ATXN7L1: variants seen among roughly 807,000 people sequenced by gnomAD.
The protein encoded by ATXN7L1 is ataxin-7-like protein 1.
Under a neutral mutation model 70.8 loss-of-function variants are expected in ATXN7L1, and 15 were observed. The observed-to-expected ratio is 0.21, with a 90% CI of 0.14 to 0.33. ATXN7L1 has a LOEUF of 0.33. Ranked by LOEUF, ATXN7L1 falls within the 10% of genes least tolerant of loss-of-function variation. The pLI is 1.00. For synonymous variants in ATXN7L1, 440 were observed against 445.1 expected (o/e 0.99, Z 0.14); for missense variants, 975 against 1,097.1 (o/e 0.89, Z 1.57).
At chr7:105,787,612 T>C (rs1318444443) in intron 3 of ATXN7L1, among the ~76,000 whole-genome samples, 1 of 152,230 alleles carries the variant, frequency 6.6e-6, no homozygotes, top group Non-Finnish European at 1.5e-5. Flanking sequence ...TCCCTTTATT[T>C]TATTATAGAA....
At chr7:105,797,409 C>A (rs1349282733) in intron 2 of ATXN7L1, among the ~76,000 whole-genome samples, 2 of 152,192 alleles carry the variant, frequency 1.3e-5, no homozygotes, top group East Asian at 1.9e-4. Context: ...GGAGAAGGAC[C>A]TTTAAAGACC....
chr7:105,772,866 C>A (rs1584968162), intron 3 of ATXN7L1, among the ~76,000 whole-genome samples: 1 of 152,214 alleles, frequency 6.6e-6, no homozygotes, highest in South Asian at 2.1e-4. Context: ...ATATATGGAA[C>A]TCTGCCCACA....
chr7:105,872,116 C>G (rs1818359682), intron 2 of ATXN7L1, among the ~76,000 whole-genome samples: 1 of 152,096 alleles, frequency 6.6e-6, no homozygotes, highest in African/African-American at 2.4e-5. Context: ...CCTCAGCCTC[C>G]CAAGTAGCTG....
chr7:105,823,495 C>A (rs1238483025), intron 2 of ATXN7L1, among the ~76,000 whole-genome samples: 3 of 152,110 alleles, frequency 2.0e-5, no homozygotes, highest in Non-Finnish European at 4.4e-5. Context: ...CATGGTACTT[C>A]CAATAAACAC....
At chr7:105,627,587 A>C (rs1437396787) in intron 7 of ATXN7L1, among the ~76,000 whole-genome samples, 2 of 148,698 alleles carry the variant, frequency 1.3e-5, no homozygotes, top group Non-Finnish European at 3.0e-5. Flanking sequence ...GCTGGAGTGC[A>C]GTGGTGCGAC....
At chr7:105,677,437 C>T (rs1005235832) in intron 3 of ATXN7L1, among the ~76,000 whole-genome samples, 29 of 152,198 alleles carry the variant, frequency 1.9e-4, no homozygotes, top group African/African-American at 6.5e-4. Context: ...GCACATCACA[C>T]GCTGTAATTA....
intron 2 of ATXN7L1, among the ~76,000 whole-genome samples, chr7:105,793,065 T>A (rs1805480582): frequency 6.6e-6 from 1 of 152,268 alleles, no homozygotes. Flanking sequence ...GATTCCCGGA[T>A]ACTCTGACTC....
At chr7:105,789,463 G>A (rs1804810290) in intron 2 of ATXN7L1, among the ~76,000 whole-genome samples, 2 of 152,220 alleles carry the variant, frequency 1.3e-5, no homozygotes, top group African/African-American at 4.8e-5. Context: ...CCCTGGGAGT[G>A]TGCGGCAGGT....
intron 6 of ATXN7L1, among the ~76,000 whole-genome samples, chr7:105,639,199 G>A (rs1014861174): frequency 2.6e-5 from 4 of 152,124 alleles, no homozygotes; most frequent in East Asian, 1.9e-4. Context: ...AAACGTAGCA[G>A]GCTTTAGAAC....
intron 4 of ATXN7L1, among the ~76,000 whole-genome samples, chr7:105,650,646 G>A (rs749338325): frequency 7.9e-5 from 12 of 152,192 alleles, no homozygotes; most frequent in Non-Finnish European, 1.3e-4. Context: ...TGCAGAGCTC[G>A]ACAGGGACCC....
At chr7:105,872,848 A>G (rs1818468602) in intron 2 of ATXN7L1, among the ~76,000 whole-genome samples, 1 of 152,054 alleles carries the variant, frequency 6.6e-6, no homozygotes, top group African/African-American at 2.4e-5. Flanking sequence ...CACAAAAAAA[A>G]AAAAACATCA....
At chr7:105,682,573 T>C (rs1432829462) in intron 3 of ATXN7L1, among the ~76,000 whole-genome samples, 2 of 152,030 alleles carry the variant, frequency 1.3e-5, no homozygotes, top group Admixed American at 6.5e-5. Context: ...CTGTGCTACA[T>C]ACATACAATA....
intron 2 of ATXN7L1, among the ~76,000 whole-genome samples, chr7:105,818,766 G>C (rs1170964033): frequency 6.6e-6 from 1 of 152,120 alleles, no homozygotes; most frequent in Non-Finnish European, 1.5e-5. Flanking sequence ...AATGTACCCA[G>C]GGGAAATCCT....
At chr7:105,621,321 TG>T (rs1181263631) in intron 8 of ATXN7L1, among the ~76,000 whole-genome samples, 2 of 152,238 alleles carry the variant, frequency 1.3e-5, no homozygotes, top group African/African-American at 2.4e-5. Flanking sequence ...ATCTTCCCAC[TG>T]TGAATTCCCA....
intron 4 of ATXN7L1, among the ~76,000 whole-genome samples, chr7:105,657,702 C>CAAAAAAAAAAAAAAAAAAAA (rs71155465): frequency 1.1e-4 from 3 of 26,110 alleles, no homozygotes; most frequent in Non-Finnish European, 1.9e-4. Context: ...GACCCTGTCT[C>CAAAAAAAAAAAAAAAAAAAA]AAAAAAAAAA....
At chr7:105,627,841 GTTTTTT>G (rs36028028) in intron 7 of ATXN7L1, among the ~76,000 whole-genome samples, 1 of 86,448 alleles carries the variant, frequency 1.2e-5, no homozygotes, top group Admixed American at 1.8e-4. Context: ...CCTGTCTTTA[GTTTTTT>G]TTTTTTTTTT....
At chr7:105,808,143 C>T (rs955822301) in intron 2 of ATXN7L1, among the ~76,000 whole-genome samples, 2 of 152,188 alleles carry the variant, frequency 1.3e-5, no homozygotes, top group African/African-American at 4.8e-5. Flanking sequence ...TACCTTCTCC[C>T]CAGGACACAC....
Position 105,737,599 on chromosome 7 carries a change from G to A in ATXN7L1, c.355+51005C>T, listed in dbSNP as rs576118335. 1.4e-3 allele frequency among the ~76,000 whole-genome samples: 214 copies of A among 151,314 alleles called. 1 individual carries two copies. The highest frequency in any genetic ancestry group is 5.0e-3 in the African/African-American group (204 of 41,196). ...ATTAGCCTATCATTTGACCATATAG[G>A]GTTAAGACTTAGAGGGGAGGGGGAC... On this transcript the variant is annotated intron_variant, in intron 3 of 11. Coordinates refer to ENST00000419735, the MANE Select transcript of ATXN7L1 (RefSeq NM_020725.2).
chr7:105,740,193 CTG>C (rs2116357301), intron 3 of ATXN7L1, among the ~76,000 whole-genome samples: 1 of 152,322 alleles, frequency 6.6e-6, no homozygotes, highest in African/African-American at 2.4e-5. Flanking sequence ...AAGCCAGAAT[CTG>C]TGTCACCTAG....
Sources: gnomAD v4.1 joint callset for allele counts (sites outside exome capture counted in the v4.1 genomes callset) on GRCh38, gnomAD v4.1.1 for gene constraint, MANE v1.5 for transcripts, NCBI Gene and HGNC (gene_info 2026-07-23, HGNC 2026-07-21) for gene names.